Variants in MOB3B observed in about 807,000 individuals in gnomAD.
MOB3B encodes MOB kinase activator 3B.
Under a neutral mutation model 18.7 loss-of-function variants are expected in MOB3B, and 7 were observed. The ratio of observed to expected loss-of-function variants is 0.37; its 90% CI spans 0.21 to 0.70. MOB3B has a LOEUF of 0.70. MOB3B is among the 30% of genes least tolerant of loss of function. MOB3B has a pLI of 0.52. For synonymous variants in MOB3B, 111 were observed against 99.9 expected, an observed-to-expected ratio of 1.11 and a Z score of -0.66; for missense variants, 253 against 281.3, an observed-to-expected ratio of 0.90 and a Z score of 0.72.
rs542651948 is a variant in MOB3B, at chr9:27,392,733, A to C, written c.419-33497T>G. 7.2e-5 allele frequency among the ~76,000 whole-genome samples: 11 copies of C among 152,296 alleles called. No individual in the cohort carries two copies. The East Asian group carries it at 1.9e-3, about 27-fold the overall frequency. ...GAGACCAGTGTTTTGGAAAGATAAA[A>C]AAGTCAATTCTAAGCTCTTCCTCTT... is the stretch of plus-strand genomic sequence containing the variant. On this transcript the variant is annotated intron_variant, in intron 2 of 3. Transcript: ENST00000262244.
chr9:27,348,373 C>T (rs547119832), intron 3 of MOB3B, among the ~76,000 whole-genome samples: 1 of 151,884 alleles, frequency 6.6e-6, no homozygotes, highest in East Asian at 1.9e-4. Context: ...AGAAATATGG[C>T]CAGGCCTGGT....
chr9:27,418,422 T>C (rs1188860427), intron 2 of MOB3B, among the ~76,000 whole-genome samples: 2 of 152,088 alleles, frequency 1.3e-5, no homozygotes, highest in Admixed American at 6.5e-5. Context: ...TGAACATAGA[T>C]GCTAAAATCC....
intron 2 of MOB3B, among the ~76,000 whole-genome samples, chr9:27,435,113 G>C (rs1192634424): frequency 6.6e-6 from 1 of 150,916 alleles, no homozygotes; most frequent in Non-Finnish European, 1.5e-5. Context: ...GAAAGGGATG[G>C]TTAAATGAGG....
chr9:27,369,780 C>T (rs905649081), intron 2 of MOB3B, among the ~76,000 whole-genome samples: 12 of 152,162 alleles, frequency 7.9e-5, no homozygotes, highest in East Asian at 1.9e-4. Flanking sequence ...TTCTCCATTT[C>T]GCCTGACTAA....
At position 27,508,375 on chromosome 9, in the gene MOB3B, A is replaced by T. The variant is rs964726893; in HGVS notation, c.-199+21180T>A. Among the ~76,000 whole-genome samples, 3 of 152,282 alleles carry T rather than the reference A, an allele frequency of 2.0e-5. No individual in the cohort carries two copies. In the South Asian group the frequency reaches 6.2e-4, roughly 32 times the overall value. On this transcript the variant is annotated intron_variant, in intron 1 of 3. Transcript: ENST00000262244. ...TTCAGAGTCTTTTTCATCCATTAAG[A>T]CAGAAGCTTCTCCAGAAGCTGAGGA...
intron 3 of MOB3B, among the ~76,000 whole-genome samples, chr9:27,330,878 A>C (rs546191882): frequency 6.8e-4 from 103 of 152,230 alleles, no homozygotes; most frequent in African/African-American, 2.5e-3. Flanking sequence ...AGAAATTGCA[A>C]GATTTGGAGC....
intron 3 of MOB3B, among the ~76,000 whole-genome samples, chr9:27,341,774 G>A (rs570581346): frequency 6.6e-6 from 1 of 152,254 alleles, no homozygotes; most frequent in Admixed American, 6.5e-5. Context: ...AAAGGTTAGT[G>A]ACTTGCCCAA....
intron 3 of MOB3B, among the ~76,000 whole-genome samples, chr9:27,337,264 G>A (rs940335777): frequency 6.6e-6 from 1 of 152,198 alleles, no homozygotes; most frequent in Non-Finnish European, 1.5e-5. Context: ...GAAGCCTTTC[G>A]TCTCACAAAT....
intron 1 of MOB3B, among the ~76,000 whole-genome samples, chr9:27,475,928 G>A (rs1819548161): frequency 6.6e-6 from 1 of 152,176 alleles, no homozygotes; most frequent in Non-Finnish European, 1.5e-5. Flanking sequence ...ATTATTTCCA[G>A]ACAGGAGCCA....
At chr9:27,526,914 G>A (rs1820445353) in intron 1 of MOB3B, among the ~76,000 whole-genome samples, 1 of 152,182 alleles carries the variant, frequency 6.6e-6, no homozygotes. Context: ...TTACTGGGAG[G>A]AAAGTAAACT....
intron 2 of MOB3B, among the ~76,000 whole-genome samples, chr9:27,383,729 T>C (rs1821611909): frequency 1.3e-5 from 2 of 152,150 alleles, no homozygotes; most frequent in Admixed American, 6.5e-5. Flanking sequence ...TCTATGTAAA[T>C]ACATTTCCTG....
rs547778865 is a variant in MOB3B at position 27,472,958 on chromosome 9, G to A, written c.-198-17210C>T. Among the ~76,000 whole-genome samples the A allele has an allele frequency of 1.2e-4, 19 of 152,342 alleles. No individual in the cohort carries two copies. In the East Asian group the frequency reaches 2.5e-3, roughly 20 times the overall value. On this transcript the variant is annotated intron_variant, in intron 1 of 3. Coordinates refer to ENST00000262244, the MANE Select transcript of MOB3B (RefSeq NM_024761.5). ...TCACTTTGGTGCATCTCAAATGCAC[G>A]TCTTTACATAACTGATCAAGATACA...
chr9:27,524,422 ACT>A, intron 1 of MOB3B: 1 of 1,614,068 alleles, frequency 6.2e-7, no homozygotes, highest in Non-Finnish European at 8.5e-7. Flanking sequence ...CTATCCCTGG[ACT>A]GTAACTTACT....
chr9:27,410,454 C>T (rs1822049836), intron 2 of MOB3B, among the ~76,000 whole-genome samples: 1 of 152,058 alleles, frequency 6.6e-6, no homozygotes, highest in Non-Finnish European at 1.5e-5. Context: ...GAAAATTGCA[C>T]CTAGCTAGGA....
At chr9:27,343,703 T>TC (rs1820990877) in intron 3 of MOB3B, among the ~76,000 whole-genome samples, 1 of 133,550 alleles carries the variant, frequency 7.5e-6, no homozygotes. Flanking sequence ...TTTTAGCCTT[T>TC]TTTTTTTTTT....
At chr9:27,498,093 C>G (rs986521355) in intron 1 of MOB3B, among the ~76,000 whole-genome samples, 3 of 152,154 alleles carry the variant, frequency 2.0e-5, no homozygotes, top group Non-Finnish European at 4.4e-5. Context: ...CTGTCACTTC[C>G]CGGCTGCCCA....
chr9:27,361,284 A>T lies in MOB3B; in HGVS notation c.419-2048T>A, dbSNP rs1471501358. Among the ~76,000 whole-genome samples, 4 of 152,232 alleles carry T rather than the reference A, an allele frequency of 2.6e-5. No individual in the cohort carries two copies. The East Asian group carries it at 7.7e-4, about 29-fold the overall frequency. ...CAAGTCCGCCTGACTCTAAAATCCA[A>T]AAAATGAGTATTACAGAGTACAACG... On this transcript the variant is annotated intron_variant, in intron 2 of 3. Coordinates refer to ENST00000262244, the MANE Select transcript of MOB3B (RefSeq NM_024761.5).
rs1820741899 is a variant in MOB3B, at chr9:27,328,439, T to C, written c.*2148A>G. 2 of 151,850 alleles carry C rather than the reference T, an allele frequency of 1.3e-5. No homozygotes were observed. The highest frequency in any genetic ancestry group is 6.6e-5 in the Admixed American group (1 of 15,250). The allele number at this position is 151,850 out of a possible 1,614,324, so 9.4% of individuals were successfully genotyped here. The stretch of plus-strand genomic sequence containing the variant: ...CAGAATTTACCCTAGAAGAGTTCAT[T>C]AGTGCAATTAACAATATAAGCAGGA... On this transcript the variant is annotated 3_prime_UTR_variant, in exon 4 of 4. Coordinates refer to ENST00000262244, the MANE Select transcript of MOB3B (RefSeq NM_024761.5).
intron 2 of MOB3B, among the ~76,000 whole-genome samples, chr9:27,420,402 A>T (rs974341731): frequency 6.6e-6 from 1 of 151,580 alleles, no homozygotes; most frequent in African/African-American, 2.4e-5. Flanking sequence ...TGTGGAACTA[A>T]CCCAATTGTC....
Sources: allele counts gnomAD v4.1 joint callset (sites outside exome capture counted in the v4.1 genomes callset), GRCh38; gene constraint gnomAD v4.1.1; transcripts MANE v1.5; gene names NCBI Gene and HGNC (gene_info 2026-07-23, HGNC 2026-07-21).